Variants in COL25A1 observed in about 807,000 individuals in gnomAD.
COL25A1 encodes the protein collagen type XXV alpha 1 chain.
A neutral mutation model predicts 128.4 loss-of-function variants in COL25A1; 103 were observed. The ratio of observed to expected loss-of-function variants is 0.80; its 90% CI spans 0.68 to 0.94. The LOEUF is 0.94. Among genes scored for constraint, COL25A1 ranks in the 40% least tolerant of loss-of-function variants. COL25A1 has a pLI of 0.00. For missense variants in COL25A1, 745 were observed against 840.0 expected (o/e 0.89, Z 1.40); for synonymous variants, 279 against 277.2 (o/e 1.01, Z -0.06).
chr4:109,078,129 ACT>A (rs1311764799), intron 3 of COL25A1, among the ~76,000 whole-genome samples: 1 of 151,958 alleles, frequency 6.6e-6, no homozygotes, highest in African/African-American at 2.4e-5. Context: ...TCTCTATTAA[ACT>A]CTAATTTTCT....
At chr4:108,951,858 G>A (rs545976931) in intron 8 of COL25A1, among the ~76,000 whole-genome samples, 2 of 152,246 alleles carry the variant, frequency 1.3e-5, no homozygotes, top group South Asian at 2.1e-4. Flanking sequence ...GGGTGTCTCA[G>A]GCCCCTAAGG....
At chr4:108,866,647 T>A (rs189938323) in intron 20 of COL25A1, among the ~76,000 whole-genome samples, 5 of 152,362 alleles carry the variant, frequency 3.3e-5, no homozygotes, top group African/African-American at 1.2e-4. Context: ...AGTTACTTTT[T>A]AAATCTGAAT....
At chr4:109,013,953 A>T (rs1756960511) in intron 5 of COL25A1, among the ~76,000 whole-genome samples, 1 of 151,348 alleles carries the variant, frequency 6.6e-6, no homozygotes, top group South Asian at 2.1e-4. Flanking sequence ...CACCCCACCA[A>T]CCCCCCTCAG....
In COL25A1 at chr4:108,852,925, T is replaced by C. The variant is rs1225416914; in HGVS notation, c.1321A>G (p.Arg441Gly). 6.2e-7 allele frequency: 1 copy of C among 1,610,398 alleles called. No individual in the cohort carries two copies. The highest frequency in any genetic ancestry group is 8.5e-7 in the Non-Finnish European group (1 of 1,178,086). ...YNGNLHEALQRITTLTVTGPP... is the reference protein window; with the variant it reads ...YNGNLHEALQGITTLTVTGPP... ...ACCGTGACAGTTAAGGTGGTAATCC[T>C]CTGTTGGGAAAATGTGTTGACAAAG... Residue 441 changes from arginine (R) to glycine (G), a missense_variant and splice_region_variant, in exon 25 of 38, where the codon AGG becomes GGG. Physicochemically the swap from Arg to Gly is moderately radical, Grantham distance 125. Around this residue, in one of 3 missense-constraint regions of COL25A1, gnomAD observed 387 missense variants for 441.9 expected, o/e 0.88. Transcript: ENST00000399132.
At chr4:108,831,347 T>A (rs1359104806) in intron 32 of COL25A1, among the ~76,000 whole-genome samples, 1 of 152,158 alleles carries the variant, frequency 6.6e-6, no homozygotes, top group Non-Finnish European at 1.5e-5. Flanking sequence ...TTGCACATAG[T>A]AGCATTTGGT....
At chr4:109,121,767 C>G (rs1187048343) in intron 3 of COL25A1, among the ~76,000 whole-genome samples, 1 of 152,020 alleles carries the variant, frequency 6.6e-6, no homozygotes, top group Non-Finnish European at 1.5e-5. Flanking sequence ...CAATAATGCT[C>G]CTTGATATTT....
chr4:109,062,648 A>C (rs1762082855), intron 3 of COL25A1, among the ~76,000 whole-genome samples: 1 of 152,224 alleles, frequency 6.6e-6, no homozygotes, highest in Admixed American at 6.5e-5. Context: ...ATTTAAGAAC[A>C]AAAATGAGGA....
intron 18 of COL25A1, 54 bp from the exon 19 acceptor site, chr4:108,884,276 T>C (rs1396132580): frequency 6.6e-6 from 10 of 1,507,060 alleles, no homozygotes; most frequent in Non-Finnish European, 9.2e-6. Context: ...AGTCACAATA[T>C]GTGGAGAAAA....
intron 6 of COL25A1, among the ~76,000 whole-genome samples, chr4:109,000,710 C>T (rs1040323608): frequency 1.4e-4 from 18 of 132,896 alleles, no homozygotes; most frequent in Non-Finnish European, 2.8e-4. Context: ...TGTGCCACTG[C>T]ACTCCAGCCT....
intron 5 of COL25A1, among the ~76,000 whole-genome samples, chr4:109,016,817 T>C (rs76781813): frequency 0.066 from 10,105 of 152,278 alleles, 371 homozygotes; most frequent in East Asian, 0.1. Flanking sequence ...AGCTGTTCTG[T>C]TGCTTAATAA....
intron 8 of COL25A1, among the ~76,000 whole-genome samples, chr4:108,944,949 T>A (rs1194329669): frequency 6.6e-6 from 1 of 152,174 alleles, no homozygotes; most frequent in East Asian, 1.9e-4. Flanking sequence ...GGAGTTTACG[T>A]GTAGCAAAGT....
chr4:109,188,583 G>T (rs954437953), intron 3 of COL25A1, among the ~76,000 whole-genome samples: 4 of 152,150 alleles, frequency 2.6e-5, no homozygotes, highest in African/African-American at 9.7e-5. Context: ...GGAAACTGTA[G>T]CTTTGAGAAT....
At chr4:108,934,568 T>C (rs929530846) in intron 11 of COL25A1, among the ~76,000 whole-genome samples, 3 of 152,240 alleles carry the variant, frequency 2.0e-5, no homozygotes, top group Non-Finnish European at 2.9e-5. Context: ...CTTCTCTCTT[T>C]GATATGAGTT....
intron 3 of COL25A1, among the ~76,000 whole-genome samples, chr4:109,216,270 AAAGGAAGGAAGGAAGGAAGG>A (rs150574564): frequency 6.8e-6 from 1 of 148,104 alleles, no homozygotes. Context: ...GGAAGGAAAA[AAAGGAAGGAAGGAAGGAAGG>A]AAGGAAGGAC....
chr4:109,081,164 T>A (rs756923380), intron 3 of COL25A1, among the ~76,000 whole-genome samples: 4 of 152,278 alleles, frequency 2.6e-5, no homozygotes, highest in Non-Finnish European at 5.9e-5. Context: ...AATGTATGTT[T>A]TATGCTTGAC....
intron 3 of COL25A1, among the ~76,000 whole-genome samples, chr4:109,299,136 T>G (rs990998007): frequency 1.3e-5 from 2 of 152,210 alleles, no homozygotes; most frequent in Admixed American, 1.3e-4. Flanking sequence ...CACTAGCTAT[T>G]TTTCACAGAG....
At chr4:109,167,080 T>G (rs995691671) in intron 3 of COL25A1, among the ~76,000 whole-genome samples, 2 of 152,194 alleles carry the variant, frequency 1.3e-5, no homozygotes, top group African/African-American at 4.8e-5. Flanking sequence ...TTCTTGAATC[T>G]TATAAAATTG....
chr4:108,971,215 C>T (rs1458945043), intron 8 of COL25A1, among the ~76,000 whole-genome samples: 1 of 151,952 alleles, frequency 6.6e-6, no homozygotes, highest in Non-Finnish European at 1.5e-5. Flanking sequence ...ACTCAGGTAC[C>T]CATGAAATTA....
intron 3 of COL25A1, among the ~76,000 whole-genome samples, chr4:109,274,126 T>TTG (rs1941356800): frequency 6.6e-6 from 1 of 152,200 alleles, no homozygotes; most frequent in Admixed American, 6.5e-5. Context: ...TCATATTCCT[T>TTG]TGTATATACA....
Sources: allele counts gnomAD v4.1 joint callset (sites outside exome capture counted in the v4.1 genomes callset), GRCh38; gene constraint gnomAD v4.1.1; regional missense constraint gnomAD v4.1.1; transcripts MANE v1.5; gene names NCBI Gene and HGNC (gene_info 2026-07-23, HGNC 2026-07-21).